CADPS: variants seen among roughly 807,000 people sequenced by gnomAD.
CADPS encodes the protein calcium-dependent secretion activator 1.
A neutral mutation model predicts 167.3 loss-of-function variants in CADPS; 57 were observed. That is an observed-to-expected ratio of 0.34 (90% CI 0.28 to 0.42). The LOEUF (loss-of-function observed/expected upper bound fraction) is 0.42, where lower values mean the gene tolerates loss of function less well. Ranked by LOEUF, CADPS falls within the 20% of genes least tolerant of loss-of-function variation. The probability of loss-of-function intolerance (pLI) is 1.00; values close to 1 mark genes in which losing one functional copy is unlikely to be tolerated. For synonymous variants in CADPS, 676 were observed against 635.3 expected (o/e 1.06, Z -0.96); for missense variants, 1,414 against 1,738.1 (o/e 0.81, Z 3.32).
At chr3:62,742,919 TAAAC>T (rs1368274106) in intron 3 of CADPS, among the ~76,000 whole-genome samples, 1 of 152,014 alleles carries the variant, frequency 6.6e-6, no homozygotes, top group Non-Finnish European at 1.5e-5. Context: ...ATAAGGAACT[TAAAC>T]AAATTTATAA....
At chr3:62,860,650 C>T (rs508826) in intron 1 of CADPS, among the ~76,000 whole-genome samples, 64,394 of 151,908 alleles carry the variant, frequency 0.42, 13,738 homozygotes, top group East Asian at 0.48. Context: ...TGGGCTGGAG[C>T]CTTTCTCTAC....
At chr3:62,727,723 T>TACC (rs34788778) in intron 3 of CADPS, among the ~76,000 whole-genome samples, 34,341 of 151,648 alleles carry the variant, frequency 0.23, 4,378 homozygotes, top group African/African-American at 0.31. Context: ...GGGACAGAAC[T>TACC]ACCATTCACT....
intron 28 of CADPS, among the ~76,000 whole-genome samples, chr3:62,428,117 C>G (rs1327358936): frequency 1.3e-5 from 2 of 152,126 alleles, no homozygotes; most frequent in East Asian, 3.9e-4. Flanking sequence ...AGGCAAATCA[C>G]TAGACTCTAT....
rs73842287 is a variant in CADPS at position 62,804,102 on chromosome 3, C to T, written c.442-38118G>A. Among the ~76,000 whole-genome samples, 8 of 152,186 alleles carry T rather than the reference C, an allele frequency of 5.3e-5. No homozygotes were observed. The East Asian group carries it at 7.8e-4, about 15-fold the overall frequency. Reference sequence around the variant, plus strand: ...TGAACAGCCCTGGTCACAATCAGGACGTATTAATTTGCTTGCTTACTTGAT... The same window carrying T: ...TGAACAGCCCTGGTCACAATCAGGATGTATTAATTTGCTTGCTTACTTGAT... On this transcript the variant is annotated intron_variant, in intron 1 of 29. Transcript: ENST00000383710.
chr3:62,707,130 G>A (rs1008821011), intron 3 of CADPS, among the ~76,000 whole-genome samples: 43 of 152,040 alleles, frequency 2.8e-4, no homozygotes, highest in African/African-American at 1.0e-3. Context: ...GTTAGAAACC[G>A]GGCTGCAGCA....
intron 3 of CADPS, among the ~76,000 whole-genome samples, chr3:62,667,845 C>A (rs373248619): frequency 4.6e-5 from 7 of 151,854 alleles, no homozygotes; most frequent in Non-Finnish European, 8.8e-5. Context: ...AATAGGTCTA[C>A]GTATCAGCAA....
intron 1 of CADPS, among the ~76,000 whole-genome samples, chr3:62,791,647 A>G (rs1248455160): frequency 6.6e-6 from 1 of 152,222 alleles, no homozygotes; most frequent in African/African-American, 2.4e-5. Flanking sequence ...TCAATAAGTC[A>G]GCAGGTACCA....
Position 62,610,072 on chromosome 3 carries a change from G to C in CADPS, c.1326-17324C>G, listed in dbSNP as rs1444778031. Among the ~76,000 whole-genome samples, 3 of 151,822 alleles carry C rather than the reference G, an allele frequency of 2.0e-5. No individual in the cohort carries two copies. The East Asian group carries it at 5.8e-4, about 29-fold the overall frequency. On this transcript the variant is annotated intron_variant, in intron 6 of 29. Coordinates refer to ENST00000383710, the MANE Select transcript of CADPS (RefSeq NM_003716.4). The stretch of plus-strand genomic sequence containing the variant: ...CCACTGCATTTCAGCCTGGGTGACA[G>C]AGTGAGACCCTTTCTGGAAAAACAA...
intron 26 of CADPS, among the ~76,000 whole-genome samples, chr3:62,463,479 A>G (rs1027319107): frequency 6.6e-6 from 1 of 152,190 alleles, no homozygotes; most frequent in African/African-American, 2.4e-5. Flanking sequence ...GGAATGAAAC[A>G]TTGTCTAATA....
At chr3:62,400,550 G>A (rs569873305) in intron 29 of CADPS, among the ~76,000 whole-genome samples, 1 of 151,244 alleles carries the variant, frequency 6.6e-6, no homozygotes, top group African/African-American at 2.4e-5. Flanking sequence ...GCAAGACAAG[G>A]AATGCTAACA....
chr3:62,537,722 T>C (rs1174698102), intron 11 of CADPS, among the ~76,000 whole-genome samples: 3 of 151,284 alleles, frequency 2.0e-5, no homozygotes, highest in Admixed American at 2.0e-4. Flanking sequence ...GTGGCCTCAG[T>C]CCCAGGCAGC....
intron 1 of CADPS, among the ~76,000 whole-genome samples, chr3:62,847,417 A>C (rs1232934792): frequency 2.0e-5 from 1 of 50,096 alleles, no homozygotes; most frequent in Admixed American, 2.0e-4. Flanking sequence ...TCCCAATGCT[A>C]TCCCTCCCCC....
chr3:62,822,299 T>C (rs2073119850), intron 1 of CADPS, among the ~76,000 whole-genome samples: 1 of 152,198 alleles, frequency 6.6e-6, no homozygotes, highest in Admixed American at 6.5e-5. Flanking sequence ...CTTGATCTTT[T>C]TCACCTTCCC....
chr3:62,447,293 AC>A lies in CADPS; in HGVS notation c.3637-1497del, dbSNP rs376979121. Among the ~76,000 whole-genome samples the A allele has an allele frequency of 1.7e-3, 258 of 152,330 alleles. 2 individuals are homozygous for A. Among genetic ancestry groups the A allele is most frequent in the African/African-American group, 5.9e-3 (244 of 41,578 alleles). On this transcript the variant is annotated intron_variant, in intron 26 of 29. Coordinates refer to ENST00000383710, the MANE Select transcript of CADPS (RefSeq NM_003716.4). ...TGCTTTGTAAACTTTAAAGCAAGGA[AC>A]ACACATCAATTAGGTAATTATCGAG...
chr3:62,721,101 G>C lies in CADPS; in HGVS notation c.888+32340C>G, dbSNP rs2918040. Among the ~76,000 whole-genome samples, 22 of 145,458 alleles carry C rather than the reference G, an allele frequency of 1.5e-4. 1 individual carries two copies. The highest frequency in any genetic ancestry group is 5.6e-4 in the African/African-American group (22 of 39,166). The stretch of plus-strand genomic sequence containing the variant: ...CAAAGTGCTGAAATTACAGGTGTGA[G>C]CCACCGTGCCCGGCAGGTTTTTTTT... On this transcript the variant is annotated intron_variant, in intron 3 of 29. Coordinates refer to ENST00000383710, the MANE Select transcript of CADPS (RefSeq NM_003716.4).
At chr3:62,863,028 C>G (rs1386377892) in intron 1 of CADPS, among the ~76,000 whole-genome samples, 1 of 152,214 alleles carries the variant, frequency 6.6e-6, no homozygotes, top group Admixed American at 6.5e-5. Context: ...ATATATATTA[C>G]TATTCTGAAT....
chr3:62,716,180 C>A (rs1413171937), intron 3 of CADPS, among the ~76,000 whole-genome samples: 2 of 152,142 alleles, frequency 1.3e-5, no homozygotes, highest in East Asian at 3.9e-4. Context: ...GTGCATCAGC[C>A]TCCCAAGTAG....
At chr3:62,871,313 C>T (rs1368810225) in intron 1 of CADPS, among the ~76,000 whole-genome samples, 4 of 152,032 alleles carry the variant, frequency 2.6e-5, no homozygotes, top group African/African-American at 9.7e-5. Flanking sequence ...TAAATTTACC[C>T]ACTAAAAGCC....
At chr3:62,805,774 T>C (rs2094052740) in intron 1 of CADPS, among the ~76,000 whole-genome samples, 1 of 152,166 alleles carries the variant, frequency 6.6e-6, no homozygotes, top group African/African-American at 2.4e-5. Flanking sequence ...TCTGTTGAGC[T>C]CAGCTAATGA....
Sources: gnomAD v4.1 joint callset for allele counts (sites outside exome capture counted in the v4.1 genomes callset) on GRCh38, gnomAD v4.1.1 for gene constraint, MANE v1.5 for transcripts, NCBI Gene and HGNC (gene_info 2026-07-23, HGNC 2026-07-21) for gene names.